CCNK: variants seen among roughly 807,000 people sequenced by gnomAD.
CCNK encodes cyclin-K.
A neutral mutation model predicts 65.0 loss-of-function variants in CCNK; 9 were observed. That is an observed-to-expected ratio of 0.14 (90% CI 0.08 to 0.24). CCNK has a LOEUF of 0.24. Ranked by LOEUF, CCNK falls within the 10% of genes least tolerant of loss-of-function variation. The pLI, the probability that CCNK is intolerant of heterozygous loss-of-function variation, is 1.00. For synonymous variants in CCNK, 279 were observed against 270.8 expected, an observed-to-expected ratio of 1.03 and a Z score of -0.30; for missense variants, 474 against 720.0, an observed-to-expected ratio of 0.66 and a Z score of 3.91.
In CCNK at chr14:99,510,250, C is replaced by A; in HGVS notation, c.1211C>A (p.Pro404Gln). Residue 404 changes from proline to glutamine, a missense_variant, in exon 11 of 11, where the codon CCG becomes CAG. This residue lies in a region of CCNK where 229 missense variants were observed against 275.5 expected (regional missense o/e 0.83). Transcript: ENST00000389879. ...TDLPKVQIPP[P>Q]AHPAPVHQPP... ...CTCCCCAAAGTCCAGATTCCCCCTC[C>A]GGCCCACCCGGCCCCTGTGCACCAG... The A allele has an allele frequency of 1.3e-6, 2 of 1,552,390 alleles. No homozygotes were observed. Among genetic ancestry groups the A allele is most frequent in the Non-Finnish European group, 1.7e-6 (2 of 1,151,546 alleles).
chr14:99,491,886 A>G (rs763682221), intron 1 of CCNK: 1 of 152,262 alleles, frequency 6.6e-6, no homozygotes, highest in Admixed American at 6.5e-5. Context: ...TATTTCTAAC[A>G]GTGGTCTCTA....
Position 99,501,375 on chromosome 14 carries a change from A to G in CCNK, c.537A>G (p.Gln179=), listed in dbSNP as rs199594007. 6.8e-5 allele frequency: 110 copies of G among 1,606,668 alleles called. No individual in the cohort carries two copies. The African/African-American group carries it at 1.4e-3, about 21-fold the overall frequency. The change falls in exon 6 of 11, where the codon CAA becomes CAG. Residue 179 remains glutamine (Q), a synonymous_variant. Coordinates refer to ENST00000389879, the MANE Select transcript of CCNK (RefSeq NM_001099402.2). ...TTCTAGGTGATAAAAACAAAATTCA[A>G]AAGTTGGTTCAAATGGCATGGACAT... The part of the protein sequence containing the change: ...KQLKGDKNKI[Q]KLVQMAWTFV...
intron 1 of CCNK, among the ~76,000 whole-genome samples, chr14:99,487,603 G>T (rs2139850644): frequency 6.6e-6 from 1 of 152,322 alleles, no homozygotes; most frequent in South Asian, 2.1e-4. Context: ...AAATGTAAAA[G>T]TGGTACTGTG....
intron 1 of CCNK, among the ~76,000 whole-genome samples, chr14:99,484,305 T>C (rs1896429072): frequency 6.6e-6 from 1 of 152,280 alleles, no homozygotes; most frequent in Non-Finnish European, 1.5e-5. Flanking sequence ...CTTGCAGACA[T>C]GCTGCAACGC....
chr14:99,484,515 A>G (rs1317164256), intron 1 of CCNK, among the ~76,000 whole-genome samples: 1 of 152,264 alleles, frequency 6.6e-6, no homozygotes, highest in Non-Finnish European at 1.5e-5. Flanking sequence ...CCTGTTTGAA[A>G]GACAATCAAT....
At chr14:99,502,683 A>G (rs189345231) in intron 7 of CCNK, 36 bp from the exon 8 acceptor site, 80 of 1,592,132 alleles carry the variant, frequency 5.0e-5, no homozygotes, top group Non-Finnish European at 6.8e-5. Context: ...TTAAAATACC[A>G]ATTTGTGTAA....
chr14:99,508,505 CT>C (rs1474161062), intron 10 of CCNK: 2 of 152,610 alleles, frequency 1.3e-5, no homozygotes, highest in Non-Finnish European at 2.9e-5. Flanking sequence ...GCCAGATACA[CT>C]GCCAGGAGGC....
In CCNK at chr14:99,510,719, G is replaced by A. The variant is rs781011811; in HGVS notation, c.1680G>A (p.Pro560=). The A allele has an allele frequency of 2.0e-5, 28 of 1,420,262 alleles. No homozygotes were observed. Among genetic ancestry groups the A allele is most frequent in the Middle Eastern group, 4.1e-4 (2 of 4,934 alleles). 88.0% of individuals were successfully genotyped at this position (1,420,262 alleles called of 1,614,324 possible). ...CTGGAGGACAGCCTCCTGTGCCCCC[G>A]CCCATTCCCCCACCCGGCATGCCTC... ...VPPGGQPPVP[P]PIPPPGMPPV... The change falls in exon 11 of 11, where the codon CCG becomes CCA. Residue 560 remains proline (P), a synonymous_variant. Transcript: ENST00000389879.
rs376815169 is a variant in CCNK, at chr14:99,504,451, A to ATT, written c.1045+822_1045+823dup. 8.7e-3 allele frequency: 1,186 copies of ATT among 136,932 alleles called. 8 individuals are homozygous for ATT. Among genetic ancestry groups the ATT allele is most frequent in the Non-Finnish European group, 0.013 (855 of 64,410 alleles). 8.5% of individuals were successfully genotyped at this position (136,932 alleles called of 1,614,324 possible). On this transcript the variant is annotated intron_variant, in intron 9 of 10. Transcript: ENST00000389879. Reference sequence around the variant, plus strand: ...GGAATGATGAGTTCAGTACAGGTGAATTTTTTTTTTTTTTTTGAGACAGAG... The same window carrying ATT: ...GGAATGATGAGTTCAGTACAGGTGAATTTTTTTTTTTTTTTTTTGAGACAGAG...
Position 99,495,632 on chromosome 14 carries a change from A to T in CCNK, c.411+3A>T, listed in dbSNP as rs1375227509. 1.2e-6 allele frequency: 2 copies of T among 1,600,736 alleles called. No individual in the cohort carries two copies. The highest frequency in any genetic ancestry group is 3.5e-5 in the Admixed American group (2 of 56,944). The stretch of plus-strand genomic sequence containing the variant: ...GCCAGTTTGGAGATGACCCAAAGGT[A>T]AGAATGATAATAACTTCCTGCCTTC... On this transcript the variant is annotated splice_donor_region_variant and intron_variant, in intron 4 of 10. Transcript: ENST00000389879.
chr14:99,491,048 C>T (rs922605001), intron 1 of CCNK, among the ~76,000 whole-genome samples: 2 of 151,990 alleles, frequency 1.3e-5, no homozygotes, highest in African/African-American at 4.8e-5. Flanking sequence ...CAGTACTTAA[C>T]GATGTTTCTC....
chr14:99,500,714 C>A (rs1896803353), intron 4 of CCNK, 52 bp from the exon 5 acceptor site: 1 of 1,173,228 alleles, frequency 8.5e-7, no homozygotes, highest in Admixed American at 2.0e-5. Flanking sequence ...TGTAATGCTG[C>A]TTGAGACCTG....
intron 3 of CCNK, 75 bp from the exon 4 acceptor site, chr14:99,495,423 A>C (rs1192633971): frequency 1.4e-6 from 2 of 1,425,076 alleles, no homozygotes; most frequent in African/African-American, 2.9e-5. Flanking sequence ...GTTTATTACG[A>C]AGGCCAAAAT....
chr14:99,484,601 T>C (rs1207291211), intron 1 of CCNK, among the ~76,000 whole-genome samples: 2 of 152,260 alleles, frequency 1.3e-5, no homozygotes, highest in African/African-American at 4.8e-5. Flanking sequence ...AAGGTAGATT[T>C]CATTCATGCA....
intron 8 of CCNK, chr14:99,503,319 G>A (rs887616130): frequency 8.3e-6 from 5 of 603,444 alleles, no homozygotes; most frequent in South Asian, 1.9e-5. Context: ...ACCCCAAACA[G>A]TGGACCGTTT....
rs1346677417 is a variant in CCNK at position 99,510,443 on chromosome 14, T to A, written c.1404T>A (p.Pro468=). 2.0e-6 allele frequency: 3 copies of A among 1,521,474 alleles called. No individual in the cohort carries two copies. Among genetic ancestry groups the A allele is most frequent in the Non-Finnish European group, 2.6e-6 (3 of 1,135,686 alleles). 94.2% of individuals were successfully genotyped at this position (1,521,474 alleles called of 1,614,324 possible). ...CCCTGCCCCCCGCCTACGGCCCACC[T>A]GCACACCTGCCCTACCACCCCCATG... ...YGALPPAYGP[P]AHLPYHPHVY... Residue 468 remains proline (P), a synonymous_variant, in exon 11 of 11, where the codon CCT becomes CCA. Transcript: ENST00000389879.
At chr14:99,500,401 T>G (rs185889893) in intron 4 of CCNK, 1 of 204,906 alleles carries the variant, frequency 4.9e-6, no homozygotes, top group Non-Finnish European at 9.9e-6. Flanking sequence ...CCTAAAAGAT[T>G]GCATTTTTAA....
intron 10 of CCNK, chr14:99,507,728 C>A: frequency 6.5e-6 from 1 of 154,130 alleles, no homozygotes; most frequent in Non-Finnish European, 1.4e-5. Context: ...GGCAGGGTTA[C>A]TGTGGCTACT....
chr14:99,510,241 T>A lies in CCNK; in HGVS notation c.1202T>A (p.Ile401Asn). The change falls in exon 11 of 11, where the codon ATT becomes AAT. Residue 401 changes from isoleucine to asparagine, a missense_variant. Around this residue, in one of 6 missense-constraint regions of CCNK, gnomAD observed 229 missense variants for 275.5 expected, o/e 0.83. Transcript: ENST00000389879. ...GCCACTGACCTCCCCAAAGTCCAGA[T>A]TCCCCCTCCGGCCCACCCGGCCCCT... ...VDATDLPKVQ[I>N]PPPAHPAPVH... is the part of the protein sequence containing the mutation. 6.3e-7 allele frequency: 1 copy of A among 1,588,812 alleles called. No individual in the cohort carries two copies. The highest frequency in any genetic ancestry group is 8.5e-7 in the Non-Finnish European group (1 of 1,171,930).
Sources: allele counts gnomAD v4.1 joint callset (sites outside exome capture counted in the v4.1 genomes callset), GRCh38; gene constraint gnomAD v4.1.1; regional missense constraint gnomAD v4.1.1; transcripts MANE v1.5; gene names NCBI Gene and HGNC (gene_info 2026-07-23, HGNC 2026-07-21).